Variants in NUBPL observed in about 807,000 individuals in gnomAD.
NUBPL encodes the protein NUBP iron-sulfur cluster assembly factor, mitochondrial.
In NUBPL, 31 loss-of-function variants were observed where a neutral mutation model predicts 45.7. That is an observed-to-expected ratio of 0.68 (90% CI 0.51 to 0.92). NUBPL has a LOEUF of 0.92. NUBPL is among the 40% of genes least tolerant of loss of function. NUBPL has a pLI of 0.00. For missense variants in NUBPL, 401 were observed against 398.7 expected, an observed-to-expected ratio of 1.01 and a Z score of -0.05; for synonymous variants, 144 against 140.9, an observed-to-expected ratio of 1.02 and a Z score of -0.15.
chr14:31,841,837 A>T (rs930409959), intron 8 of NUBPL, among the ~76,000 whole-genome samples: 1 of 143,904 alleles, frequency 6.9e-6, no homozygotes, highest in African/African-American at 2.6e-5. Flanking sequence ...ATTATTTTAT[A>T]TATGGATATC....
chr14:31,751,049 A>G (rs532548167), intron 6 of NUBPL, among the ~76,000 whole-genome samples: 3 of 152,228 alleles, frequency 2.0e-5, no homozygotes, highest in Admixed American at 1.3e-4. Flanking sequence ...CTCACTCACT[A>G]TTATGAGAAC....
chr14:31,793,436 G>A (rs1160961341), intron 7 of NUBPL, among the ~76,000 whole-genome samples: 1 of 152,086 alleles, frequency 6.6e-6, no homozygotes, highest in African/African-American at 2.4e-5. Flanking sequence ...AAATCACATA[G>A]CATAATATTT....
intron 4 of NUBPL, among the ~76,000 whole-genome samples, chr14:31,624,158 G>A (rs2035143619): frequency 6.6e-6 from 1 of 152,174 alleles, no homozygotes; most frequent in Non-Finnish European, 1.5e-5. Flanking sequence ...AGACCTAATT[G>A]TGAGGTATTA....
chr14:31,717,927 G>A (rs2037725640), intron 6 of NUBPL, among the ~76,000 whole-genome samples: 1 of 152,158 alleles, frequency 6.6e-6, no homozygotes, highest in South Asian at 2.1e-4. Context: ...GATACTAGTG[G>A]CTAATTGCTG....
chr14:31,578,967 T>C (rs960445275), intron 3 of NUBPL, among the ~76,000 whole-genome samples: 5 of 152,236 alleles, frequency 3.3e-5, no homozygotes, highest in Non-Finnish European at 4.4e-5. Flanking sequence ...GATTACTGCC[T>C]GTGGCTCTTA....
intron 7 of NUBPL, among the ~76,000 whole-genome samples, chr14:31,800,630 A>G (rs7141267): frequency 0.12 from 18,928 of 152,142 alleles, 3,153 homozygotes; most frequent in African/African-American, 0.39. Context: ...GTGAAGTGCA[A>G]TAAAATGAGG....
chr14:31,645,211 G>A (rs565929316), intron 4 of NUBPL, among the ~76,000 whole-genome samples: 22 of 151,950 alleles, frequency 1.4e-4, no homozygotes, highest in South Asian at 8.3e-4. Context: ...GACTACAGGC[G>A]CCCGCCACCA....
intron 6 of NUBPL, among the ~76,000 whole-genome samples, chr14:31,725,999 C>T (rs530008978): frequency 4.6e-5 from 7 of 152,122 alleles, no homozygotes; most frequent in South Asian, 2.1e-4. Context: ...TGTGAGCCAC[C>T]GTGCCTGGTC....
At chr14:31,598,354 G>A (rs2139553516) in intron 3 of NUBPL, among the ~76,000 whole-genome samples, 1 of 152,120 alleles carries the variant, frequency 6.6e-6, no homozygotes, top group East Asian at 1.9e-4. Flanking sequence ...TTTGTCGAGG[G>A]GTTACGAGTT....
At chr14:31,730,767 C>A (rs2038033324) in intron 6 of NUBPL, among the ~76,000 whole-genome samples, 1 of 152,102 alleles carries the variant, frequency 6.6e-6, no homozygotes, top group South Asian at 2.1e-4. Context: ...ATCAGGTAAT[C>A]TTAAATCTAG....
intron 6 of NUBPL, among the ~76,000 whole-genome samples, chr14:31,781,650 A>G (rs185266859): frequency 6.6e-6 from 1 of 152,362 alleles, no homozygotes; most frequent in Non-Finnish European, 1.5e-5. Context: ...ATAGAGGGCC[A>G]AAATTATAAG....
rs545772013 is a variant in NUBPL, at chr14:31,803,490, A to G, written c.607+15617A>G. ...AATGTAGCTCTAAAAATAACTTTGC[A>G]CCTTAAAGGTTCAGGAATTAGGACA... is the stretch of plus-strand genomic sequence containing the variant. On this transcript the variant is annotated intron_variant, in intron 7 of 10. Transcript: ENST00000281081. Among the ~76,000 whole-genome samples, 15 of 152,248 alleles carry G rather than the reference A, an allele frequency of 9.9e-5. No homozygotes were observed. The East Asian group carries it at 2.9e-3, about 29-fold the overall frequency.
chr14:31,602,132 C>T lies in NUBPL; in HGVS notation c.382+2753C>T, dbSNP rs1407404700. ...GAAATCATCATTCTCAGTAAACTAT[C>T]GCAAGGACAAAAAACCAAACACTGC... On this transcript the variant is annotated intron_variant, in intron 4 of 10. Transcript: ENST00000281081. Among the ~76,000 whole-genome samples the T allele has an allele frequency of 7.9e-5, 12 of 151,786 alleles. No individual in the cohort carries two copies. In the East Asian group the frequency reaches 9.7e-4, roughly 12 times the overall value.
chr14:31,725,092 T>C (rs952034913), intron 6 of NUBPL, among the ~76,000 whole-genome samples: 13 of 152,054 alleles, frequency 8.5e-5, no homozygotes, highest in Non-Finnish European at 1.8e-4. Context: ...TTTAGGGTAG[T>C]AAAAGGGACA....
chr14:31,652,941 C>T (rs775943351), intron 4 of NUBPL, among the ~76,000 whole-genome samples: 2 of 152,298 alleles, frequency 1.3e-5, no homozygotes, highest in Middle Eastern at 6.8e-3. Context: ...AATTTTACAG[C>T]TGGGCCTCTG....
intron 6 of NUBPL, among the ~76,000 whole-genome samples, chr14:31,687,322 A>C (rs1284911332): frequency 6.6e-6 from 1 of 152,228 alleles, no homozygotes; most frequent in Admixed American, 6.5e-5. Context: ...AAAACATCAC[A>C]TATGTCATGA....
At chr14:31,641,764 C>T (rs1247057279) in intron 4 of NUBPL, among the ~76,000 whole-genome samples, 4 of 152,184 alleles carry the variant, frequency 2.6e-5, no homozygotes, top group African/African-American at 9.7e-5. Context: ...ACACTAGTTT[C>T]CATAGTGGCT....
intron 6 of NUBPL, among the ~76,000 whole-genome samples, chr14:31,786,962 T>A (rs1348788276): frequency 1.3e-5 from 2 of 152,186 alleles, no homozygotes; most frequent in Non-Finnish European, 2.9e-5. Flanking sequence ...GCTTTAATAA[T>A]AACAGATGGT....
At chr14:31,567,895 G>A (rs181530283) in intron 3 of NUBPL, among the ~76,000 whole-genome samples, 108 of 152,258 alleles carry the variant, frequency 7.1e-4, no homozygotes, top group Non-Finnish European at 1.2e-3. Flanking sequence ...CCCTCTAGGC[G>A]ATTTTGATGC....
Sources: gnomAD v4.1 joint callset for allele counts (sites outside exome capture counted in the v4.1 genomes callset) on GRCh38, gnomAD v4.1.1 for gene constraint, MANE v1.5 for transcripts, NCBI Gene and HGNC (gene_info 2026-07-23, HGNC 2026-07-21) for gene names.